ZNF804B: variants seen among roughly 807,000 people sequenced by gnomAD.
ZNF804B encodes the protein zinc finger protein 804B, also known as zinc finger 804B.
A neutral mutation model predicts 101.4 loss-of-function variants in ZNF804B; 80 were observed. That is an observed-to-expected ratio of 0.79 (90% CI 0.66 to 0.95). The LOEUF (loss-of-function observed/expected upper bound fraction) is 0.95, where lower values mean the gene tolerates loss of function less well. Among genes scored for constraint, ZNF804B ranks in the 40% least tolerant of loss-of-function variants. ZNF804B has a pLI of 0.00. For missense variants in ZNF804B, 1,673 were observed against 1,561.9 expected, an observed-to-expected ratio of 1.07 and a Z score of -1.20; for synonymous variants, 622 against 558.8, an observed-to-expected ratio of 1.11 and a Z score of -1.59.
chr7:89,123,846 T>C (rs1454148802), intron 1 of ZNF804B, among the ~76,000 whole-genome samples: 1 of 152,170 alleles, frequency 6.6e-6, no homozygotes, highest in Non-Finnish European at 1.5e-5. Context: ...AAACTTGGAA[T>C]ATTTGTAAGG....
intron 1 of ZNF804B, among the ~76,000 whole-genome samples, chr7:88,802,489 C>G (rs997530282): frequency 6.6e-6 from 1 of 151,882 alleles, no homozygotes; most frequent in Non-Finnish European, 1.5e-5. Context: ...AAAGTTTCCC[C>G]CTATCTCAGG....
chr7:89,236,533 T>C (rs1305986572), intron 2 of ZNF804B, among the ~76,000 whole-genome samples: 2 of 152,166 alleles, frequency 1.3e-5, no homozygotes, highest in Non-Finnish European at 2.9e-5. Context: ...CTTTCCAATT[T>C]ATCTGATGCA....
At chr7:89,287,847 C>A (rs1404493594) in intron 2 of ZNF804B, among the ~76,000 whole-genome samples, 1 of 151,400 alleles carries the variant, frequency 6.6e-6, no homozygotes, top group Admixed American at 6.6e-5. Flanking sequence ...GCAGTAAGAA[C>A]AATGCTAAAA....
chr7:89,112,680 A>G (rs1388840706), intron 1 of ZNF804B, among the ~76,000 whole-genome samples: 1 of 152,142 alleles, frequency 6.6e-6, no homozygotes, highest in Non-Finnish European at 1.5e-5. Flanking sequence ...TTTGATTGGA[A>G]TTGTGTTAAA....
At chr7:88,967,194 G>T (rs1019929012) in intron 1 of ZNF804B, among the ~76,000 whole-genome samples, 1 of 151,262 alleles carries the variant, frequency 6.6e-6, no homozygotes, top group African/African-American at 2.4e-5. Context: ...GAGAAAAGAG[G>T]TTTAATTGAC....
At chr7:89,041,346 G>A (rs555778191) in intron 1 of ZNF804B, among the ~76,000 whole-genome samples, 1 of 152,278 alleles carries the variant, frequency 6.6e-6, no homozygotes, top group South Asian at 2.1e-4. Flanking sequence ...CAGGCCTGGT[G>A]CCAGGGAACC....
intron 1 of ZNF804B, among the ~76,000 whole-genome samples, chr7:88,883,079 A>C: frequency 6.6e-6 from 1 of 152,218 alleles, no homozygotes; most frequent in Non-Finnish European, 1.5e-5. Flanking sequence ...TAGAAGAAAA[A>C]AATTTTAAAA....
chr7:89,069,307 C>T (rs988579364), intron 1 of ZNF804B, among the ~76,000 whole-genome samples: 2 of 152,108 alleles, frequency 1.3e-5, no homozygotes, highest in Non-Finnish European at 2.9e-5. Flanking sequence ...GCCGTCCCCA[C>T]AGAAGGAAAA....
chr7:89,216,242 A>C (rs1788894131), intron 1 of ZNF804B, among the ~76,000 whole-genome samples: 1 of 152,066 alleles, frequency 6.6e-6, no homozygotes. Flanking sequence ...CGGGAGGGGG[A>C]GGTCGCGGTG....
chr7:89,135,446 G>C (rs898764481), intron 1 of ZNF804B, among the ~76,000 whole-genome samples: 1 of 151,970 alleles, frequency 6.6e-6, no homozygotes, highest in Admixed American at 6.6e-5. Flanking sequence ...TCTTCTGTTT[G>C]TATCAAGATT....
chr7:89,011,475 A>G (rs1310562838), intron 1 of ZNF804B, among the ~76,000 whole-genome samples: 1 of 152,056 alleles, frequency 6.6e-6, no homozygotes, highest in Admixed American at 6.6e-5. Context: ...TGAGACAAGG[A>G]AGTCTTTTCC....
At chr7:89,258,020 TTCA>T (rs1368688668) in intron 2 of ZNF804B, among the ~76,000 whole-genome samples, 1 of 152,104 alleles carries the variant, frequency 6.6e-6, no homozygotes, top group Non-Finnish European at 1.5e-5. Flanking sequence ...GCCCTTCATA[TTCA>T]TTGGTTCCAC....
chr7:89,188,058 A>AT (rs1244344342), intron 1 of ZNF804B, among the ~76,000 whole-genome samples: 6 of 150,818 alleles, frequency 4.0e-5, no homozygotes, highest in East Asian at 3.9e-4. Flanking sequence ...CAGATACTGC[A>AT]TTTTTTTTCT....
At chr7:88,927,783 A>G (rs1216482205) in intron 1 of ZNF804B, among the ~76,000 whole-genome samples, 1 of 152,110 alleles carries the variant, frequency 6.6e-6, no homozygotes, top group East Asian at 1.9e-4. Context: ...TTTCACAGTT[A>G]TATCCTCATT....
At chr7:89,282,763 A>G (rs1489586151) in intron 2 of ZNF804B, among the ~76,000 whole-genome samples, 2 of 152,152 alleles carry the variant, frequency 1.3e-5, no homozygotes. Flanking sequence ...TTCTGGTGCG[A>G]TCATGGAGGC....
At chr7:89,298,315 G>T (rs1188274316) in intron 2 of ZNF804B, among the ~76,000 whole-genome samples, 1 of 134,648 alleles carries the variant, frequency 7.4e-6, no homozygotes, top group Non-Finnish European at 1.6e-5. Flanking sequence ...AGGTATACAC[G>T]TGCCATGGTG....
At chr7:88,849,360 T>C (rs906197616) in intron 1 of ZNF804B, among the ~76,000 whole-genome samples, 30 of 151,980 alleles carry the variant, frequency 2.0e-4, no homozygotes, top group Non-Finnish European at 1.5e-5. Flanking sequence ...TTATTTTTTA[T>C]TTTTTAAGGA....
At chr7:88,800,692 T>TGTGTGTGTGTGTG in intron 1 of ZNF804B, among the ~76,000 whole-genome samples, 1 of 146,716 alleles carries the variant, frequency 6.8e-6, no homozygotes, top group East Asian at 2.0e-4. Context: ...TAGATATGAT[T>TGTGTGTGTGTGTG]TGTGTGTGTG....
At chr7:89,115,830 G>T (rs369429530) in intron 1 of ZNF804B, among the ~76,000 whole-genome samples, 1 of 151,796 alleles carries the variant, frequency 6.6e-6, no homozygotes, top group African/African-American at 2.4e-5. Context: ...TCAAGATTTT[G>T]CCTCTTTAAA....
Sources: allele counts gnomAD v4.1 joint callset (sites outside exome capture counted in the v4.1 genomes callset), GRCh38; gene constraint gnomAD v4.1.1; transcripts MANE v1.5; gene names NCBI Gene and HGNC (gene_info 2026-07-23, HGNC 2026-07-21).